Variants in FNDC3A observed in about 807,000 individuals in gnomAD.
FNDC3A encodes the protein fibronectin type-III domain-containing protein 3A.
FNDC3A carries 32 observed loss-of-function variants against 148.9 expected under a neutral mutation model. The ratio of observed to expected loss-of-function variants is 0.21; its 90% CI spans 0.16 to 0.29. FNDC3A has a LOEUF of 0.29. FNDC3A is among the 10% of genes least tolerant of loss of function. The probability of loss-of-function intolerance (pLI) is 1.00; values close to 1 mark genes in which losing one functional copy is unlikely to be tolerated. For synonymous variants in FNDC3A, 472 were observed against 473.6 expected (o/e 1.00, Z 0.04); for missense variants, 1,191 against 1,452.8 (o/e 0.82, Z 2.93).
intron 7 of FNDC3A, among the ~76,000 whole-genome samples, chr13:49,141,637 A>G (rs1882693928): frequency 6.6e-6 from 1 of 152,192 alleles, no homozygotes; most frequent in South Asian, 2.1e-4. Flanking sequence ...CATGTAATAT[A>G]TATGGCTTTG....
chr13:49,161,080 GA>G (rs1884078240), intron 8 of FNDC3A, among the ~76,000 whole-genome samples: 1 of 152,176 alleles, frequency 6.6e-6, no homozygotes, highest in Non-Finnish European at 1.5e-5. Context: ...GTGGTGCTGA[GA>G]AGAATGTATA....
At chr13:49,144,993 C>T (rs1882913689) in intron 7 of FNDC3A, among the ~76,000 whole-genome samples, 1 of 151,916 alleles carries the variant, frequency 6.6e-6, no homozygotes, top group African/African-American at 2.4e-5. Context: ...TGTTATGTAC[C>T]ATCATTTAGG....
intron 2 of FNDC3A, among the ~76,000 whole-genome samples, chr13:49,020,896 A>G (rs755482017): frequency 3.9e-5 from 6 of 152,226 alleles, no homozygotes; most frequent in Non-Finnish European, 8.8e-5. Flanking sequence ...AAAATTCCTA[A>G]TCATTTATCA....
At chr13:48,988,482 C>T (rs895892718) in intron 1 of FNDC3A, among the ~76,000 whole-genome samples, 2 of 152,106 alleles carry the variant, frequency 1.3e-5, no homozygotes, top group Admixed American at 6.6e-5. Flanking sequence ...GTTAAACAAC[C>T]TTCTCCAGAA....
At chr13:49,124,452 A>T (rs188488092) in intron 4 of FNDC3A, among the ~76,000 whole-genome samples, 2 of 151,902 alleles carry the variant, frequency 1.3e-5, no homozygotes, top group Admixed American at 1.3e-4. Context: ...TAACAAACCT[A>T]CATGTTTGGC....
intron 2 of FNDC3A, among the ~76,000 whole-genome samples, chr13:49,022,770 A>G (rs951829834): frequency 2.6e-5 from 4 of 152,112 alleles, no homozygotes; most frequent in African/African-American, 9.7e-5. Flanking sequence ...TAGAATTTAA[A>G]CATTACTCTC....
At chr13:49,019,609 G>T (rs9526516) in intron 2 of FNDC3A, among the ~76,000 whole-genome samples, 1 of 152,116 alleles carries the variant, frequency 6.6e-6, no homozygotes, top group Admixed American at 6.5e-5. Context: ...GTTCCTATTC[G>T]GCCATCTTGG....
chr13:49,180,862 T>TC (rs756727435), intron 14 of FNDC3A, among the ~76,000 whole-genome samples: 6 of 151,080 alleles, frequency 4.0e-5, no homozygotes, highest in Admixed American at 2.0e-4. Flanking sequence ...GCCACTGCAC[T>TC]CCCGACTGGG....
chr13:49,187,534 C>T (rs1443536350), intron 16 of FNDC3A: 2 of 1,610,002 alleles, frequency 1.2e-6, no homozygotes, highest in East Asian at 4.5e-5. Context: ...AAATGCAGAT[C>T]CAAAGTACAA....
chr13:49,192,248 T>G (rs1291259119), intron 19 of FNDC3A, among the ~76,000 whole-genome samples: 2 of 152,190 alleles, frequency 1.3e-5, no homozygotes, highest in African/African-American at 4.8e-5. Flanking sequence ...AAATCCTGTT[T>G]TCCAACAGGG....
intron 19 of FNDC3A, among the ~76,000 whole-genome samples, chr13:49,192,994 G>C (rs910014028): frequency 1.3e-5 from 2 of 152,028 alleles, no homozygotes; most frequent in African/African-American, 2.4e-5. Context: ...AATTAACCTT[G>C]TTCAAAAAAG....
chr13:49,039,636 TA>T (rs1874768246), intron 2 of FNDC3A, among the ~76,000 whole-genome samples: 1 of 152,256 alleles, frequency 6.6e-6, no homozygotes, highest in African/African-American at 2.4e-5. Flanking sequence ...TTTGTAGTTT[TA>T]ACTAACATAT....
intron 3 of FNDC3A, among the ~76,000 whole-genome samples, chr13:49,094,876 T>TA (rs1879424857): frequency 2.0e-5 from 3 of 152,056 alleles, no homozygotes; most frequent in Admixed American, 1.3e-4. Context: ...ATCAGGACCA[T>TA]TTATTTGATA....
rs201559811 is a variant in FNDC3A at position 49,193,881 on chromosome 13, C to CT, written c.2226+2498dup. The stretch of plus-strand genomic sequence containing the variant: ...GTTACAGTGAGCTGAAATCATGCCA[C>CT]TACATCCAGCCTGGGCGACAGAGTG... On this transcript the variant is annotated intron_variant, in intron 19 of 25. Transcript: ENST00000492622. Among the ~76,000 whole-genome samples the CT allele has an allele frequency of 4.6e-3, 706 of 151,978 alleles. 8 individuals are homozygous for CT. The highest frequency in any genetic ancestry group is 0.016 in the African/African-American group (678 of 41,446).
Position 49,017,136 on chromosome 13 carries a change from A to G in FNDC3A, c.99+10847A>G, listed in dbSNP as rs1872867491. 2.6e-5 allele frequency among the ~76,000 whole-genome samples: 4 copies of G among 152,112 alleles called. No individual in the cohort carries two copies. The South Asian group carries it at 8.3e-4, about 32-fold the overall frequency. ...ATTAGGTCTGCTTGGTGCAGAGCTG[A>G]GTTCAATTCCTGGGTATCCTTGCTG... On this transcript the variant is annotated intron_variant, in intron 2 of 25. Transcript: ENST00000492622.
At chr13:49,037,196 C>T (rs1229281499) in intron 2 of FNDC3A, among the ~76,000 whole-genome samples, 1 of 152,194 alleles carries the variant, frequency 6.6e-6, no homozygotes, top group Non-Finnish European at 1.5e-5. Context: ...ACTCATACAG[C>T]ACTTACAGTA....
At chr13:49,146,859 GATT>G (rs1883028112) in intron 8 of FNDC3A, 3 of 152,194 alleles carry the variant, frequency 2.0e-5, no homozygotes, top group Admixed American at 2.0e-4. Context: ...TATAGAAGTT[GATT>G]ATTCTAATAA....
chr13:49,190,217 TA>T (rs1885814841), intron 17 of FNDC3A, among the ~76,000 whole-genome samples: 1 of 152,182 alleles, frequency 6.6e-6, no homozygotes, highest in South Asian at 2.1e-4. Context: ...AGAGTGTCTT[TA>T]AAAATAAAGG....
At chr13:49,191,446 A>G in intron 19 of FNDC3A, 62 bp downstream of exon 19, 1 of 1,328,002 alleles carries the variant, frequency 7.5e-7, no homozygotes, top group Non-Finnish European at 1.0e-6. Context: ...ATTTTAACAT[A>G]TATCATCATA....
Sources: gnomAD v4.1 joint callset for allele counts (sites outside exome capture counted in the v4.1 genomes callset) on GRCh38, gnomAD v4.1.1 for gene constraint, MANE v1.5 for transcripts, NCBI Gene and HGNC (gene_info 2026-07-23, HGNC 2026-07-21) for gene names.